Variants in PTPRS observed in about 807,000 individuals in gnomAD.
PTPRS encodes receptor-type tyrosine-protein phosphatase S.
In PTPRS, 63 loss-of-function variants were observed where a neutral mutation model predicts 215.3. The observed-to-expected ratio is 0.29, with a 90% CI of 0.24 to 0.36. PTPRS has a LOEUF of 0.36. Among genes scored for constraint, PTPRS ranks in the 10% least tolerant of loss-of-function variants. The pLI is 1.00. For missense variants in PTPRS, 2,258 were observed against 2,825.8 expected, an observed-to-expected ratio of 0.80 and a Z score of 4.56; for synonymous variants, 1,404 against 1,191.4, an observed-to-expected ratio of 1.18 and a Z score of -3.68.
chr19:5,251,188 G>A (rs2045023951), intron 9 of PTPRS, among the ~76,000 whole-genome samples: 1 of 152,016 alleles, frequency 6.6e-6, no homozygotes, highest in Non-Finnish European at 1.5e-5. Context: ...CCAGCCTGTA[G>A]CCCAAGGAGG....
chr19:5,218,792 G>A lies in PTPRS; in HGVS notation c.3930C>T (p.Pro1310=), dbSNP rs749228586. The change falls in exon 24 of 38, where the codon CCC becomes CCT. Residue 1310 remains proline (P), a synonymous_variant. Coordinates refer to ENST00000262963, the MANE Select transcript of PTPRS (RefSeq NM_002850.4). ...VIAILLYKNK[P]DSKRKDSEPR... is the part of the protein sequence containing the mutation. Reference sequence around the variant, plus strand: ...GGGGGAGGGCTGGTTCTTACCTGTCGGGTTTGCTGTTCCCGAAAGCAGACA... The same window carrying A: ...GGGGGAGGGCTGGTTCTTACCTGTCAGGTTTGCTGTTCCCGAAAGCAGACA... 62 of 1,605,528 alleles carry A rather than the reference G, an allele frequency of 3.9e-5. No individual in the cohort carries two copies. Among genetic ancestry groups the A allele is most frequent in the South Asian group, 3.4e-4 (30 of 89,128 alleles).
chr19:5,225,679 T>C, intron 17 of PTPRS, 48 bp downstream of exon 17: 1 of 1,479,710 alleles, frequency 6.8e-7, no homozygotes, highest in Non-Finnish European at 9.4e-7. Flanking sequence ...CTGGTGCCAG[T>C]GGGGGCAAAG....
At chr19:5,213,888 C>A (rs543552618) in intron 30 of PTPRS, among the ~76,000 whole-genome samples, 43 of 152,276 alleles carry the variant, frequency 2.8e-4, no homozygotes, top group African/African-American at 9.4e-4. Flanking sequence ...CAGATGGAAC[C>A]GCACTATGGA....
Position 5,286,070 on chromosome 19 carries a change from A to G in PTPRS, c.71T>C (p.Val24Ala). The change falls in exon 2 of 38, where the codon GTT (valine) becomes GCT (alanine). Residue 24 changes from valine (V) to alanine (A), a missense_variant. Val to Ala is a moderately conservative substitution (Grantham distance 64). This residue lies in a region of PTPRS where 508 missense variants were observed against 799.4 expected (regional missense o/e 0.64). Transcript: ENST00000262963. The part of the protein sequence containing the change: ...GPMGLLVVLL[V>A]GGCAAEEPPR... The stretch of plus-strand genomic sequence containing the variant: ...CTTACCTTCTGCTGCACAGCCTCCA[A>G]CGAGCAGGACCACAAGGAGGCCCAT... The G allele has an allele frequency of 1.2e-6, 2 of 1,613,882 alleles. No homozygotes were observed. The highest frequency in any genetic ancestry group is 2.2e-5 in the South Asian group (2 of 91,078).
At chr19:5,323,976 TA>T (rs1055393336) in intron 1 of PTPRS, among the ~76,000 whole-genome samples, 14 of 152,080 alleles carry the variant, frequency 9.2e-5, no homozygotes, top group African/African-American at 3.4e-4. Flanking sequence ...ATGCCTGTAA[TA>T]CCAGCACTTT....
rs1243807958 is a variant in PTPRS at position 5,287,981 on chromosome 19, C to T, written c.-94-1747G>A. The stretch of plus-strand genomic sequence containing the variant: ...AGAGACGGGCACACACACACACACA[C>T]ACACACACACACACACACACACACA... On this transcript the variant is annotated intron_variant, in intron 1 of 37. Transcript: ENST00000262963. The surrounding 1 kb of genome is among the most constrained non-coding windows in gnomAD (Gnocchi z 4.8). Among the ~76,000 whole-genome samples, 13 of 149,820 alleles carry T rather than the reference C, an allele frequency of 8.7e-5. No individual in the cohort carries two copies. The highest frequency in any genetic ancestry group is 3.3e-4 in the African/African-American group (13 of 39,938).
chr19:5,219,452 G>C lies in PTPRS; in HGVS notation c.3781C>G (p.Pro1261Ala), dbSNP rs763526954. ...TCCAGCTGGAAGGGGTCTGAGAAGG[G>C]ACTGGCTGCAAAGGTCTGCAGGGAA... ...QKSEPTFAAS[P>A]FSDPFQLDNP... The change falls in exon 23 of 38, where the codon CCC (proline) becomes GCC (alanine). Residue 1261 changes from proline to alanine, a missense_variant. By Grantham distance (27) the Pro-to-Ala change is conservative. This residue lies in a region of PTPRS where 927 missense variants were observed against 1,125.9 expected (regional missense o/e 0.82). Transcript: ENST00000262963. The C allele has an allele frequency of 6.3e-7, 1 of 1,596,772 alleles. No homozygotes were observed. Among genetic ancestry groups the C allele is most frequent in the Admixed American group, 1.7e-5 (1 of 58,220 alleles).
chr19:5,207,594 T>G (rs1407568043), intron 37 of PTPRS, among the ~76,000 whole-genome samples: 1 of 152,162 alleles, frequency 6.6e-6, no homozygotes, highest in Non-Finnish European at 1.5e-5. Flanking sequence ...TGGGCCTCAG[T>G]TTCCCCATCT....
intron 28 of PTPRS, among the ~76,000 whole-genome samples, chr19:5,214,986 G>A (rs776980798): frequency 4.6e-5 from 7 of 152,230 alleles, no homozygotes; most frequent in South Asian, 2.1e-4. Flanking sequence ...CCCACTCCAC[G>A]CCAGCAACAT....
At chr19:5,283,182 A>G (rs902087273) in intron 2 of PTPRS, among the ~76,000 whole-genome samples, 3 of 140,724 alleles carry the variant, frequency 2.1e-5, no homozygotes, top group Non-Finnish European at 4.7e-5. Flanking sequence ...GCCCGGGGCC[A>G]GCCCCACGGC....
chr19:5,223,086 C>T lies in PTPRS; in HGVS notation c.2706G>A (p.Val902=), dbSNP rs1454575122. ...ASGVHKGATY[V]FRLAARSRGG... ...CGCGGCTCCGGGCCGCAAGCCGGAACACATACGTGGCCCCCTTGTGCACGC... is the reference window on the plus strand; with the variant it reads ...CGCGGCTCCGGGCCGCAAGCCGGAATACATACGTGGCCCCCTTGTGCACGC... The change falls in exon 18 of 38, where the codon GTG becomes GTA. Residue 902 remains valine, a synonymous_variant. Coordinates refer to ENST00000262963, the MANE Select transcript of PTPRS (RefSeq NM_002850.4). 2 of 1,561,642 alleles carry T rather than the reference C, an allele frequency of 1.3e-6. No individual in the cohort carries two copies. The highest frequency in any genetic ancestry group is 2.4e-5 in the East Asian group (1 of 42,092).
Position 5,212,061 on chromosome 19 carries a change from G to A in PTPRS, c.4959C>T (p.Asn1653=), listed in dbSNP as rs2040949995. 1 of 1,614,064 alleles carries A rather than the reference G, an allele frequency of 6.2e-7. No homozygotes were observed. Among genetic ancestry groups the A allele is most frequent in the Non-Finnish European group, 8.5e-7 (1 of 1,180,054 alleles). Residue 1653 remains asparagine (N), a synonymous_variant, in exon 32 of 38, where the codon AAC becomes AAT. Transcript: ENST00000262963. Reference sequence around the variant, plus strand: ...AGAGGCTGCGTGCGGGCACTTCTGTGTTGCCACAGCCCACGGCCTCCAGCA... The same window carrying A: ...AGAGGCTGCGTGCGGGCACTTCTGTATTGCCACAGCCCACGGCCTCCAGCA... ...EALLEAVGCG[N]TEVPARSLYA...
intron 6 of PTPRS, among the ~76,000 whole-genome samples, chr19:5,262,048 G>A (rs923607906): frequency 6.6e-6 from 1 of 152,164 alleles, no homozygotes; most frequent in Non-Finnish European, 1.5e-5. Context: ...CGAGGCAGGT[G>A]GATCACCTGA....
At chr19:5,216,229 A>G (rs1016769075) in intron 26 of PTPRS, among the ~76,000 whole-genome samples, 1 of 152,044 alleles carries the variant, frequency 6.6e-6, no homozygotes, top group Non-Finnish European at 1.5e-5. Flanking sequence ...TTATCCTTTC[A>G]AGCCCCCTAG....
chr19:5,325,500 G>C (rs1168593943), intron 1 of PTPRS, among the ~76,000 whole-genome samples: 1 of 152,232 alleles, frequency 6.6e-6, no homozygotes, highest in East Asian at 1.9e-4. Context: ...AAAGAGAAGA[G>C]AGACGTCATC....
chr19:5,302,981 A>C (rs536734394), intron 1 of PTPRS, among the ~76,000 whole-genome samples: 4 of 151,910 alleles, frequency 2.6e-5, no homozygotes, highest in African/African-American at 9.7e-5. Flanking sequence ...GAGGCAGGAG[A>C]ATGGTGTGAA....
At chr19:5,242,263 C>A (rs2044103190) in intron 11 of PTPRS, among the ~76,000 whole-genome samples, 1 of 152,254 alleles carries the variant, frequency 6.6e-6, no homozygotes, top group Non-Finnish European at 1.5e-5. Context: ...GCACACACAG[C>A]CCCCCTTGTC....
rs575673773 is a variant in PTPRS, at chr19:5,212,032, G to C, written c.4988C>G (p.Ala1663Gly). The C allele has an allele frequency of 1.2e-6, 2 of 1,613,864 alleles. No individual in the cohort carries two copies. Among genetic ancestry groups the C allele is most frequent in the African/African-American group, 2.7e-5 (2 of 75,066 alleles). ...NTEVPARSLYAYIQKLAQVEP... is the reference protein window; with the variant it reads ...NTEVPARSLYGYIQKLAQVEP... ...CACCTGGGCCAGCTTCTGGATGTAG[G>C]CATAGAGGCTGCGTGCGGGCACTTC... The change falls in exon 32 of 38, where the codon GCC becomes GGC. Residue 1663 changes from alanine (A) to glycine (G), a missense_variant. Coordinates refer to ENST00000262963, the MANE Select transcript of PTPRS (RefSeq NM_002850.4).
chr19:5,280,131 G>C (rs929227827), intron 2 of PTPRS, among the ~76,000 whole-genome samples: 1 of 152,254 alleles, frequency 6.6e-6, no homozygotes, highest in Admixed American at 6.5e-5. Context: ...CTAGGACTTT[G>C]AGCCTCTACG....
Sources: allele counts gnomAD v4.1 joint callset (sites outside exome capture counted in the v4.1 genomes callset), GRCh38; gene constraint gnomAD v4.1.1; regional missense constraint gnomAD v4.1.1; non-coding constraint Gnocchi (gnomAD v3.1); transcripts MANE v1.5; gene names NCBI Gene and HGNC (gene_info 2026-07-23, HGNC 2026-07-21).